RAPGEF1: variants seen among roughly 807,000 people sequenced by gnomAD.
RAPGEF1 encodes Rap guanine nucleotide exchange factor 1.
RAPGEF1 carries 33 observed loss-of-function variants against 143.3 expected under a neutral mutation model. That is an observed-to-expected ratio of 0.23 (90% confidence interval 0.17 to 0.31). The LOEUF is 0.31. Ranked by LOEUF, RAPGEF1 falls within the 10% of genes least tolerant of loss-of-function variation. The pLI is 1.00. For synonymous variants in RAPGEF1, 629 were observed against 676.5 expected, an observed-to-expected ratio of 0.93 and a Z score of 1.09; for missense variants, 1,199 against 1,645.4, an observed-to-expected ratio of 0.73 and a Z score of 4.69.
chr9:131,643,881 T>C (rs562031570), intron 3 of RAPGEF1, among the ~76,000 whole-genome samples: 32 of 152,266 alleles, frequency 2.1e-4, no homozygotes, highest in Middle Eastern at 3.4e-3. Context: ...GTCCAGGGCA[T>C]GAGGGGCTGA....
At chr9:131,701,775 A>G (rs1589050816) in intron 1 of RAPGEF1, among the ~76,000 whole-genome samples, 4 of 152,366 alleles carry the variant, frequency 2.6e-5, no homozygotes, top group Admixed American at 2.6e-4. Flanking sequence ...CTCTAGCTGC[A>G]GGGCTTCAGA....
chr9:131,639,809 G>A (rs576055610), intron 4 of RAPGEF1, among the ~76,000 whole-genome samples: 53 of 152,260 alleles, frequency 3.5e-4, no homozygotes, highest in African/African-American at 1.2e-3. Flanking sequence ...TGTAAGATAT[G>A]ATTAAAACAG....
chr9:131,584,491 G>A lies in RAPGEF1; in HGVS notation c.3312+27C>T. The A allele has an allele frequency of 6.2e-7, 1 of 1,613,538 alleles. No homozygotes were observed. The highest frequency in any genetic ancestry group is 1.1e-5 in the South Asian group (1 of 91,078). Reference sequence around the variant, plus strand: ...CCCAGAGCAGGGACTGATGATGGGGGCCTGGGAAGGACTTGGCCACCATTA... The same window carrying A: ...CCCAGAGCAGGGACTGATGATGGGGACCTGGGAAGGACTTGGCCACCATTA... On this transcript the variant is annotated intron_variant, in intron 23 of 26. Transcript: ENST00000683357. The surrounding 1 kb of genome is among the most constrained non-coding windows in gnomAD (Gnocchi z 6.8).
At chr9:131,594,526 G>A (rs3780264) in intron 17 of RAPGEF1, among the ~76,000 whole-genome samples, 44,683 of 152,098 alleles carry the variant, frequency 0.29, 6,790 homozygotes, top group East Asian at 0.38. Flanking sequence ...CCACGGGCCT[G>A]AGCCACGGGG....
At position 131,584,951 on chromosome 9, in the gene RAPGEF1, T is replaced by C. The variant is rs1365925425; in HGVS notation, c.3234-355A>G. 6.6e-6 allele frequency among the ~76,000 whole-genome samples: 1 copy of C among 152,120 alleles called. No individual in the cohort carries two copies. Among genetic ancestry groups the C allele is most frequent in the East Asian group, 1.9e-4 (1 of 5,184 alleles). On this transcript the variant is annotated intron_variant, in intron 22 of 26. Coordinates refer to ENST00000683357, the MANE Select transcript of RAPGEF1 (RefSeq NM_001377935.1). The surrounding 1 kb of genome is among the most constrained non-coding windows in gnomAD (Gnocchi z 6.8). ...ACCAGGGGGCTGGGCAAGTTCCTTG[T>C]GTGATGCAGGACTGGCTCGGGGAGA...
intron 22 of RAPGEF1, among the ~76,000 whole-genome samples, chr9:131,586,317 C>G (rs1486878054): frequency 6.7e-6 from 1 of 148,716 alleles, no homozygotes; most frequent in Non-Finnish European, 1.5e-5. Context: ...CAAACACACA[C>G]ACACACACAC....
chr9:131,715,177 A>G (rs149216494), intron 1 of RAPGEF1, among the ~76,000 whole-genome samples: 1 of 152,310 alleles, frequency 6.6e-6, no homozygotes, highest in African/African-American at 2.4e-5. Flanking sequence ...GGGGCCTCAG[A>G]GATTTACTCA....
chr9:131,582,747 G>A, intron 24 of RAPGEF1, 45 bp from the exon 25 acceptor site: 1 of 1,495,460 alleles, frequency 6.7e-7, no homozygotes, highest in East Asian at 2.6e-5. Flanking sequence ...GTGAGCGAGT[G>A]CTGGGGCAAT....
chr9:131,582,546 C>T lies in RAPGEF1; in HGVS notation c.3512+59G>A, dbSNP rs1952029672. On this transcript the variant is annotated intron_variant, in intron 25 of 26. Transcript: ENST00000683357. ...CTCTGCTGGAGCCTGACAGATCTTC[C>T]CCAGAGCAATGGAGGCAAACCCAGG... 5.6e-6 allele frequency: 7 copies of T among 1,242,042 alleles called. No homozygotes were observed. The South Asian group carries it at 9.2e-5, about 16-fold the overall frequency. The allele number at this position is 1,242,042 out of a possible 1,614,324, so 76.9% of individuals were successfully genotyped here. A position where few individuals can be genotyped will look rare whatever the true frequency, so the allele number is the denominator to read the frequency against.
At chr9:131,715,252 C>A (rs1016708334) in intron 1 of RAPGEF1, among the ~76,000 whole-genome samples, 3 of 152,080 alleles carry the variant, frequency 2.0e-5, no homozygotes, top group African/African-American at 7.2e-5. Flanking sequence ...TTAGTTATCC[C>A]GGTGATCAGT....
In RAPGEF1 at chr9:131,621,758, G is replaced by A; in HGVS notation, c.1905+38C>T. On this transcript the variant is annotated intron_variant, in intron 11 of 26. Coordinates refer to ENST00000683357, the MANE Select transcript of RAPGEF1 (RefSeq NM_001377935.1). This position sits in a 1 kb window ranked among gnomAD's most constrained non-coding sequence, Gnocchi z 4.5. ...ATTCTGGTTCCTAGAGACCTGCTAG[G>A]ATCGGAAGTTCTAGTCACAAGGGAA... is the stretch of plus-strand genomic sequence containing the variant. 1 of 1,554,554 alleles carries A rather than the reference G, an allele frequency of 6.4e-7. No individual in the cohort carries two copies. The highest frequency in any genetic ancestry group is 8.7e-7 in the Non-Finnish European group (1 of 1,147,676).
At chr9:131,627,836 G>C in intron 9 of RAPGEF1, 77 bp downstream of exon 9, 1 of 1,449,054 alleles carries the variant, frequency 6.9e-7, no homozygotes, top group Non-Finnish European at 9.3e-7. Context: ...GCATGACCTG[G>C]GACTCCCACC....
chr9:131,651,627 C>T (rs1457954034), intron 1 of RAPGEF1, among the ~76,000 whole-genome samples: 1 of 152,134 alleles, frequency 6.6e-6, no homozygotes, highest in African/African-American at 2.4e-5. Context: ...ACCAAAAGCA[C>T]AAGTAACAAA....
Position 131,648,381 on chromosome 9 carries a change from A to G in RAPGEF1, c.315+1748T>C, listed in dbSNP as rs988049008. On this transcript the variant is annotated intron_variant, in intron 3 of 26. Transcript: ENST00000683357. ...ACTCCAGCCTGGGCGACAGAGTGAG[A>G]CTCTTATCTCAAAACAAACAAACAA... Among the ~76,000 whole-genome samples, 10 of 152,048 alleles carry G rather than the reference A, an allele frequency of 6.6e-5. 1 individual carries two copies. Among genetic ancestry groups the G allele is most frequent in the African/African-American group, 2.4e-4 (10 of 41,378 alleles).
intron 1 of RAPGEF1, among the ~76,000 whole-genome samples, chr9:131,687,253 C>T (rs1056886836): frequency 2.0e-5 from 3 of 152,314 alleles, no homozygotes; most frequent in East Asian, 3.9e-4. Context: ...TGCAGCGGCA[C>T]GATCTCAGCT....
chr9:131,633,367 C>T lies in RAPGEF1; in HGVS notation c.652-3043G>A, dbSNP rs530973598. 9.2e-5 allele frequency among the ~76,000 whole-genome samples: 14 copies of T among 152,264 alleles called. No individual in the cohort carries two copies. The South Asian group carries it at 1.7e-3, about 18-fold the overall frequency. On this transcript the variant is annotated intron_variant, in intron 5 of 26. Coordinates refer to ENST00000683357, the MANE Select transcript of RAPGEF1 (RefSeq NM_001377935.1). ...CGCCAGGCCCCAAAGAGGAGCATCACGGCCTTAGAGGGAGTTAAAGAGCGC... is the reference window on the plus strand; with the variant it reads ...CGCCAGGCCCCAAAGAGGAGCATCATGGCCTTAGAGGGAGTTAAAGAGCGC...
intron 1 of RAPGEF1, among the ~76,000 whole-genome samples, chr9:131,691,937 C>T (rs1281133356): frequency 1.3e-5 from 2 of 152,058 alleles, no homozygotes; most frequent in Admixed American, 1.3e-4. Flanking sequence ...TGAACAAAAA[C>T]GAAATATTTA....
In RAPGEF1 at chr9:131,675,912, CTT is replaced by C. The variant is rs140589180; in HGVS notation, c.62-24965_62-24964del. ...CTGCTCAGTTTGACAAAAACTCAGT[CTT>C]TTTTTTTTTTTTAATCTCGCCCTGT... On this transcript the variant is annotated intron_variant, in intron 1 of 26. Transcript: ENST00000683357. This position sits in a 1 kb window ranked among gnomAD's most constrained non-coding sequence, Gnocchi z 4.6. Among the ~76,000 whole-genome samples, 20 of 144,874 alleles carry C rather than the reference CTT, an allele frequency of 1.4e-4. No homozygotes were observed. Among genetic ancestry groups the C allele is most frequent in the Admixed American group, 2.1e-4 (3 of 14,494 alleles).
At chr9:131,717,764 CAAA>C (rs35660614) in intron 1 of RAPGEF1, among the ~76,000 whole-genome samples, 5 of 104,490 alleles carry the variant, frequency 4.8e-5, no homozygotes, top group Admixed American at 1.1e-4. Context: ...GAGACTGTCT[CAAA>C]AAAAAAAAAA....
Sources: allele counts gnomAD v4.1 joint callset (sites outside exome capture counted in the v4.1 genomes callset), GRCh38; gene constraint gnomAD v4.1.1; non-coding constraint Gnocchi (gnomAD v3.1); transcripts MANE v1.5; gene names NCBI Gene and HGNC (gene_info 2026-07-23, HGNC 2026-07-21).